Variants in GATM observed in about 807,000 individuals in gnomAD.
GATM encodes the protein glycine amidinotransferase, also known as glycine amidinotransferase, mitochondrial.
GATM carries 23 observed loss-of-function variants against 54.2 expected under a neutral mutation model. That is an observed-to-expected ratio of 0.42 (90% CI 0.31 to 0.60). The LOEUF (loss-of-function observed/expected upper bound fraction) is 0.60. Ranked by LOEUF, GATM falls within the 20% of genes least tolerant of loss-of-function variation. The pLI is 0.14. For missense variants in GATM, 401 were observed against 544.9 expected, an observed-to-expected ratio of 0.74 and a Z score of 2.63; for synonymous variants, 168 against 183.1, an observed-to-expected ratio of 0.92 and a Z score of 0.67.
At chr15:45,363,047 C>T (rs971682805) in intron 8 of GATM, among the ~76,000 whole-genome samples, 8 of 152,094 alleles carry the variant, frequency 5.3e-5, no homozygotes, top group African/African-American at 1.9e-4. Flanking sequence ...CTATGGGAGG[C>T]ATAGGTGGAT....
At position 45,368,337 on chromosome 15, in the gene GATM, C is replaced by T. The variant is rs1889483276; in HGVS notation, c.485-77G>A. Reference sequence around the variant, plus strand: ...CAAAAAAGGTCTATATAGGGCCAGGCACAGTGGCTCATGCCTGTAATCCCA... The same window carrying T: ...CAAAAAAGGTCTATATAGGGCCAGGTACAGTGGCTCATGCCTGTAATCCCA... On this transcript the variant is annotated intron_variant, in intron 3 of 8. Transcript: ENST00000396659. The surrounding 1 kb of genome is among the most constrained non-coding windows in gnomAD (Gnocchi z 5.1). 8.0e-7 allele frequency: 1 copy of T among 1,255,170 alleles called. No homozygotes were observed. The highest frequency in any genetic ancestry group is 1.1e-6 in the Non-Finnish European group (1 of 871,894). 77.8% of individuals were successfully genotyped at this position (1,255,170 alleles called of 1,614,324 possible). A position where few individuals can be genotyped will look rare whatever the true frequency, so the allele number is the denominator to read the frequency against.
In GATM at chr15:45,361,775, C is replaced by T. The variant is rs889180256; in HGVS notation, c.*334G>A. ...AGATTAGGACCAACATTTCAAGCTGCCTTTTGGAAAGAAAATTAAAAACAG... is the reference window on the plus strand; with the variant it reads ...AGATTAGGACCAACATTTCAAGCTGTCTTTTGGAAAGAAAATTAAAAACAG... On this transcript the variant is annotated 3_prime_UTR_variant, in exon 9 of 9. Transcript: ENST00000396659. The T allele has an allele frequency of 4.1e-6, 2 of 486,788 alleles. No individual in the cohort carries two copies. Among genetic ancestry groups the T allele is most frequent in the Non-Finnish European group, 7.2e-6 (2 of 278,938 alleles). The allele number at this position is 486,788 out of a possible 1,614,324, so 30.2% of individuals were successfully genotyped here.
chr15:45,378,427 G>C lies in GATM; in HGVS notation c.27C>G (p.Gly9=), dbSNP rs1418247826. 1 of 1,503,852 alleles carries C rather than the reference G, an allele frequency of 6.6e-7. No individual in the cohort carries two copies. The highest frequency in any genetic ancestry group is 8.8e-7 in the Non-Finnish European group (1 of 1,133,426). The allele number at this position is 1,503,852 out of a possible 1,614,324, so 93.2% of individuals were successfully genotyped here. ...GCACCGCCTCGGCGCCGCGGCTCCCGCCGCGCAGACACCGCACCCGCAGCA... is the reference window on the plus strand; with the variant it reads ...GCACCGCCTCGGCGCCGCGGCTCCCCCCGCGCAGACACCGCACCCGCAGCA... MLRVRCLR[G]GSRGAEAVHY... Residue 9 remains glycine (G), a synonymous_variant, in exon 1 of 9, where the codon GGC becomes GGG. Transcript: ENST00000396659.
chr15:45,363,375 A>C (rs1889397779), intron 8 of GATM, among the ~76,000 whole-genome samples: 1 of 152,222 alleles, frequency 6.6e-6, no homozygotes, highest in South Asian at 2.1e-4. Context: ...ATATCAGGAT[A>C]AGTAAACTAC....
At chr15:45,398,566 T>C (rs979797526) in intron 2 of GATM, among the ~76,000 whole-genome samples, 7 of 152,200 alleles carry the variant, frequency 4.6e-5, no homozygotes, top group Non-Finnish European at 8.8e-5. Context: ...ATGTCCCATT[T>C]AGGGGGATTT....
At chr15:45,389,321 G>T (rs1889841590) in intron 3 of GATM, among the ~76,000 whole-genome samples, 1 of 152,224 alleles carries the variant, frequency 6.6e-6, no homozygotes, top group African/African-American at 2.4e-5. Context: ...AGTGATGACG[G>T]TTGAACTTGA....
intron 1 of GATM, 39 bp downstream of exon 1, chr15:45,378,344 TGA>T: frequency 6.8e-7 from 1 of 1,469,434 alleles, no homozygotes; most frequent in Non-Finnish European, 9.1e-7. Context: ...CAGGATCGAG[TGA>T]GTCACGCGGC....
chr15:45,401,350 A>G (rs1890003148), intron 1 of GATM, among the ~76,000 whole-genome samples: 1 of 152,230 alleles, frequency 6.6e-6, no homozygotes, highest in Admixed American at 6.5e-5. Context: ...CAGCAACTTA[A>G]GCACTCTAAA....
intron 3 of GATM, among the ~76,000 whole-genome samples, chr15:45,388,479 G>C (rs773694898): frequency 9.2e-5 from 14 of 152,064 alleles, no homozygotes; most frequent in Admixed American, 1.3e-4. Context: ...TTCTTTTTCT[G>C]TTCCAATATC....
At position 45,369,341 on chromosome 15, in the gene GATM, C is replaced by A. The variant is rs529206733; in HGVS notation, c.469G>T (p.Asp157Tyr). 6.2e-7 allele frequency: 1 copy of A among 1,614,020 alleles called. No individual in the cohort carries two copies. The highest frequency in any genetic ancestry group is 1.1e-5 in the South Asian group (1 of 91,068). ...IDWSLKYKTPDFESTGLYSAM... is the reference protein window; with the variant it reads ...IDWSLKYKTPYFESTGLYSAM... ...CATCACTTACCCGTAGACTCAAAAT[C>A]AGGAGTTTTATACTTCAATGACCAG... The change falls in exon 3 of 9, where the codon GAT becomes TAT. Residue 157 changes from aspartate (D) to tyrosine (Y), a missense_variant. By Grantham distance (160) the Asp-to-Tyr change is radical (BLOSUM62 -3). This residue lies in a region of GATM where 321 missense variants were observed against 457.5 expected (regional missense o/e 0.70). Coordinates refer to ENST00000396659, the MANE Select transcript of GATM (RefSeq NM_001482.3).
At chr15:45,385,344 A>G (rs1889792543) in intron 3 of GATM, among the ~76,000 whole-genome samples, 1 of 152,194 alleles carries the variant, frequency 6.6e-6, no homozygotes, top group Admixed American at 6.5e-5. Context: ...TTTTGTCTAA[A>G]GCCTCAAAAA....
intron 3 of GATM, among the ~76,000 whole-genome samples, chr15:45,394,263 T>C (rs1188132273): frequency 6.6e-6 from 1 of 152,088 alleles, no homozygotes; most frequent in Non-Finnish European, 1.5e-5. Flanking sequence ...AGGATCTAGG[T>C]TGTGCGTTCC....
At chr15:45,371,299 T>C (rs1313821464) in intron 2 of GATM, among the ~76,000 whole-genome samples, 1 of 152,212 alleles carries the variant, frequency 6.6e-6, no homozygotes, top group Non-Finnish European at 1.5e-5. Context: ...GCAATGTACA[T>C]TGATATATTT....
At chr15:45,374,178 T>G (rs958354418) in intron 2 of GATM, among the ~76,000 whole-genome samples, 1 of 152,236 alleles carries the variant, frequency 6.6e-6, no homozygotes, top group African/African-American at 2.4e-5. Flanking sequence ...GTCAAATAGC[T>G]AAGTAACCGA....
At chr15:45,375,358 C>A (rs1311192197) in intron 2 of GATM, among the ~76,000 whole-genome samples, 3 of 152,124 alleles carry the variant, frequency 2.0e-5, no homozygotes, top group Non-Finnish European at 4.4e-5. Context: ...TGTGAGCCAC[C>A]GCGCCTGGCC....
chr15:45,394,814 A>C (rs1889909962), intron 3 of GATM, among the ~76,000 whole-genome samples: 1 of 152,190 alleles, frequency 6.6e-6, no homozygotes, highest in African/African-American at 2.4e-5. Context: ...AAAGTTCCCT[A>C]TCTGCTCAGT....
intron 3 of GATM, among the ~76,000 whole-genome samples, chr15:45,384,705 C>T (rs1159917946): frequency 6.6e-6 from 1 of 151,972 alleles, no homozygotes; most frequent in African/African-American, 2.4e-5. Context: ...ATTGACACTT[C>T]CCCACCCCTC....
intron 3 of GATM, among the ~76,000 whole-genome samples, chr15:45,394,594 T>C (rs1308971032): frequency 6.6e-6 from 1 of 152,328 alleles, no homozygotes; most frequent in East Asian, 1.9e-4. Flanking sequence ...CACTATTTCA[T>C]GGTTCTGAAA....
At chr15:45,377,575 C>A (rs1349293439) in intron 1 of GATM, 4 of 288,118 alleles carry the variant, frequency 1.4e-5, no homozygotes, top group Non-Finnish European at 2.7e-5. Context: ...GTCCCTCAAC[C>A]CCTGAGCAAA....
Sources: gnomAD v4.1 joint callset for allele counts (sites outside exome capture counted in the v4.1 genomes callset) on GRCh38, gnomAD v4.1.1 for gene constraint, gnomAD v4.1.1 regional missense constraint, Gnocchi (gnomAD v3.1) non-coding constraint, MANE v1.5 for transcripts, NCBI Gene and HGNC (gene_info 2026-07-23, HGNC 2026-07-21) for gene names.